NUMA1: variants seen among roughly 807,000 people sequenced by gnomAD.
The protein encoded by NUMA1 is nuclear mitotic apparatus protein 1.
Under a neutral mutation model 237.1 loss-of-function variants are expected in NUMA1, and 62 were observed. That is an observed-to-expected ratio of 0.26 (90% CI 0.21 to 0.32). The LOEUF (loss-of-function observed/expected upper bound fraction) is 0.32. Ranked by LOEUF, NUMA1 falls within the 10% of genes least tolerant of loss-of-function variation. NUMA1 has a pLI of 1.00. For missense variants in NUMA1, 2,533 were observed against 2,666.5 expected, an observed-to-expected ratio of 0.95 and a Z score of 1.10; for synonymous variants, 1,028 against 1,066.1, an observed-to-expected ratio of 0.96 and a Z score of 0.70.
In NUMA1 at chr11:72,003,987, T is replaced by C. The variant is rs1320444404; in HGVS notation, c.6236A>G (p.Asn2079Ser). Residue 2079 changes from asparagine (N) to serine (S), a missense_variant, in exon 26 of 27, where the codon AAC (asparagine) becomes AGC (serine). Physicochemically the swap from Asn to Ser is conservative, Grantham distance 46. This residue lies in a region of NUMA1 where 795 missense variants were observed against 750.8 expected (regional missense o/e 1.06). Transcript: ENST00000393695. ...SKKALSKASPNTRSGTRRSPR... is the reference protein window; with the variant it reads ...SKKALSKASPSTRSGTRRSPR... Reference sequence around the variant, plus strand: ...AGAACGGCGGGTTCCACTGCGAGTGTTGGGGGAAGCCTTGGACAGGGCCTT... The same window carrying C: ...AGAACGGCGGGTTCCACTGCGAGTGCTGGGGGAAGCCTTGGACAGGGCCTT... The C allele has an allele frequency of 1.4e-5, 22 of 1,612,982 alleles. No individual in the cohort carries two copies. The highest frequency in any genetic ancestry group is 1.9e-5 in the Non-Finnish European group (22 of 1,179,554).
rs987415503 is a variant in NUMA1, at chr11:72,016,482, G to C, written c.1168C>G (p.Leu390Val). 5 of 1,613,980 alleles carry C rather than the reference G, an allele frequency of 3.1e-6. No individual in the cohort carries two copies. The highest frequency in any genetic ancestry group is 1.6e-4 in the Middle Eastern group (1 of 6,084). Residue 390 changes from leucine (L) to valine (V), a missense_variant, in exon 14 of 27, where the codon CTG becomes GTG. By Grantham distance (32) the Leu-to-Val change is conservative. Around this residue, in one of 3 missense-constraint regions of NUMA1, gnomAD observed 1,414 missense variants for 1,508.1 expected, o/e 0.94. Coordinates refer to ENST00000393695, the MANE Select transcript of NUMA1 (RefSeq NM_006185.4). ...NEILQGKLSQ[L>V]EEHLSQLQDN... Reference sequence around the variant, plus strand: ...TGCAGCTGGGACAAGTGTTCTTCCAGCTGTGAAAGTTTTCCCTGAAGGATT... The same window carrying C: ...TGCAGCTGGGACAAGTGTTCTTCCACCTGTGAAAGTTTTCCCTGAAGGATT...
At position 72,014,153 on chromosome 11, in the gene NUMA1, G is replaced by T; in HGVS notation, c.3350C>A (p.Pro1117Gln). 6.2e-7 allele frequency: 1 copy of T among 1,613,302 alleles called. No homozygotes were observed. The highest frequency in any genetic ancestry group is 2.2e-5 in the East Asian group (1 of 44,872). ...AQSEAAGRTE[P>Q]TGPKLEALRA... ...CAGTGCCTCCAGCTTGGGGCCTGTTGGCTCTGTCCTGCCAGCAGCCTCAGA... is the reference window on the plus strand; with the variant it reads ...CAGTGCCTCCAGCTTGGGGCCTGTTTGCTCTGTCCTGCCAGCAGCCTCAGA... The change falls in exon 15 of 27, where the codon CCA becomes CAA. Residue 1117 changes from proline to glutamine, a missense_variant. By Grantham distance (76) the Pro-to-Gln change is moderately conservative (BLOSUM62 -1). Transcript: ENST00000393695. The surrounding 1 kb of genome is among the most constrained non-coding windows in gnomAD (Gnocchi z 4.6).
chr11:72,014,340 C>T lies in NUMA1; in HGVS notation c.3163G>A (p.Ala1055Thr), dbSNP rs149499808. The change falls in exon 15 of 27, where the codon GCC (alanine) becomes ACC (threonine). Residue 1055 changes from alanine (A) to threonine (T), a missense_variant. By Grantham distance (58) the Ala-to-Thr change is moderately conservative. Coordinates refer to ENST00000393695, the MANE Select transcript of NUMA1 (RefSeq NM_006185.4). This position sits in a 1 kb window ranked among gnomAD's most constrained non-coding sequence, Gnocchi z 4.6. ...TCCTTGCCTTCCTTTTCCGTCAGGGCATGAGCCAGTGCCTCTTGCAGGGTA... is the reference window on the plus strand; with the variant it reads ...TCCTTGCCTTCCTTTTCCGTCAGGGTATGAGCCAGTGCCTCTTGCAGGGTA... ...FATLQEALAH[A>T]LTEKEGKDQE... The T allele has an allele frequency of 3.7e-6, 6 of 1,613,678 alleles. No individual in the cohort carries two copies. The East Asian group carries it at 6.7e-5, about 18-fold the overall frequency.
Position 72,014,869 on chromosome 11 carries a change from A to G in NUMA1, c.2634T>C (p.His878=). The G allele has an allele frequency of 6.2e-7, 1 of 1,614,214 alleles. No homozygotes were observed. The highest frequency in any genetic ancestry group is 8.5e-7 in the Non-Finnish European group (1 of 1,180,046). Residue 878 remains histidine, a synonymous_variant, in exon 15 of 27, where the codon CAT becomes CAC. Transcript: ENST00000393695. The surrounding 1 kb of genome is among the most constrained non-coding windows in gnomAD (Gnocchi z 4.6). ...GCTGGAGTGCTCTGGCCAGGTTGGC[A>G]TGGAGCTCAGCTAGTTCGTTCTGCT... The part of the protein sequence containing the change: ...SRQQNELAEL[H]ANLARALQQV...
chr11:72,039,071 A>C (rs116479685), intron 2 of NUMA1, among the ~76,000 whole-genome samples: 3,479 of 152,328 alleles, frequency 0.023, 133 homozygotes, highest in African/African-American at 0.08. Flanking sequence ...CCACATTTAC[A>C]GTAACCCCTG....
chr11:72,070,013 G>A (rs1943375273), intron 1 of NUMA1, 102 bp from the exon 2 acceptor site: 1 of 152,128 alleles, frequency 6.6e-6, no homozygotes, highest in African/African-American at 2.4e-5. Flanking sequence ...CCAGCGTTCT[G>A]TGGATCAGAC....
chr11:72,005,961 T>G (rs1955656635), intron 22 of NUMA1, 74 bp downstream of exon 22: 1 of 1,263,348 alleles, frequency 7.9e-7, no homozygotes, highest in African/African-American at 1.5e-5. Flanking sequence ...TAAAAAGCTT[T>G]CCTCTTTTCC....
intron 1 of NUMA1, among the ~76,000 whole-genome samples, chr11:72,075,862 T>G (rs1381925139): frequency 6.6e-6 from 1 of 152,192 alleles, no homozygotes; most frequent in African/African-American, 2.4e-5. Context: ...AGCGAGCTGA[T>G]GACATAGCTG....
chr11:72,009,740 G>A (rs987516090), intron 17 of NUMA1, among the ~76,000 whole-genome samples: 1 of 117,430 alleles, frequency 8.5e-6, no homozygotes, highest in African/African-American at 3.1e-5. Flanking sequence ...TTACTCTAAG[G>A]CACTTGGCAT....
chr11:72,007,655 C>T, intron 20 of NUMA1: 1 of 602,502 alleles, frequency 1.7e-6, no homozygotes, highest in East Asian at 3.0e-5. Flanking sequence ...AGTGGCAATG[C>T]CCAGACCCAG....
Position 72,013,428 on chromosome 11 carries a change from C to G in NUMA1, c.4075G>C (p.Glu1359Gln). ...EHTSTQALVSELLPAKHLCQQ... is the reference protein window; with the variant it reads ...EHTSTQALVSQLLPAKHLCQQ... Reference sequence around the variant, plus strand: ...CAGAGGTGCTTAGCTGGCAGCAGCTCACTCACCAGGGCCTGTGTGCTGGTG... The same window carrying G: ...CAGAGGTGCTTAGCTGGCAGCAGCTGACTCACCAGGGCCTGTGTGCTGGTG... The change falls in exon 15 of 27, where the codon GAG becomes CAG. Residue 1359 changes from glutamate to glutamine, a missense_variant. Glu to Gln is a conservative substitution (Grantham distance 29). Around this residue, in one of 3 missense-constraint regions of NUMA1, gnomAD observed 324 missense variants for 407.6 expected, o/e 0.79. Transcript: ENST00000393695. The surrounding 1 kb of genome is among the most constrained non-coding windows in gnomAD (Gnocchi z 6.8). 1 of 1,613,098 alleles carries G rather than the reference C, an allele frequency of 6.2e-7. No individual in the cohort carries two copies. Among genetic ancestry groups the G allele is most frequent in the South Asian group, 1.1e-5 (1 of 91,066 alleles).
intron 2 of NUMA1, among the ~76,000 whole-genome samples, chr11:72,057,600 T>C (rs1942725525): frequency 6.7e-6 from 1 of 149,264 alleles, no homozygotes; most frequent in African/African-American, 2.5e-5. Context: ...AAAAATCAGT[T>C]GGGCATGGTG....
chr11:72,029,163 G>C (rs1410019464), intron 4 of NUMA1, 42 bp downstream of exon 4: 2 of 1,437,500 alleles, frequency 1.4e-6, no homozygotes, highest in Non-Finnish European at 1.9e-6. Flanking sequence ...CCAGCAATCA[G>C]CTTTGCCTTA....
chr11:72,038,577 A>C (rs1481518844), intron 2 of NUMA1, among the ~76,000 whole-genome samples: 1 of 152,022 alleles, frequency 6.6e-6, no homozygotes, highest in African/African-American at 2.4e-5. Context: ...CTACATTGGG[A>C]CTATAGCTTT....
Position 72,035,908 on chromosome 11 carries a change from G to A in NUMA1, c.36C>T (p.Leu12=). The A allele has an allele frequency of 6.2e-7, 1 of 1,614,038 alleles. No individual in the cohort carries two copies. The highest frequency in any genetic ancestry group is 8.5e-7 in the Non-Finnish European group (1 of 1,179,938). The stretch of plus-strand genomic sequence containing the variant: ...AGAGAGGAAGACTACTTACCCAAGA[G>A]AGGAGTGCAGCCCCCCGGGTGGCGT... ...TLHATRGAAL[L]SWVNSLHVAD... is the part of the protein sequence containing the mutation. Residue 12 remains leucine, a synonymous_variant, in exon 3 of 27, where the codon CTC becomes CTT. Transcript: ENST00000393695.
intron 1 of NUMA1, among the ~76,000 whole-genome samples, chr11:72,071,824 GTATT>G (rs1943464157): frequency 6.6e-6 from 1 of 152,120 alleles, no homozygotes; most frequent in South Asian, 2.1e-4. Flanking sequence ...AAGTATATAA[GTATT>G]TGTTACATTA....
chr11:72,016,657 C>T, intron 13 of NUMA1, 127 bp from the exon 14 acceptor site: 1 of 1,277,448 alleles, frequency 7.8e-7, no homozygotes, highest in Non-Finnish European at 1.1e-6. Flanking sequence ...TTTGCCCTGG[C>T]CTAGAAAAAA....
rs778860762 is a variant in NUMA1 at position 72,004,282 on chromosome 11, C to T, written c.6066G>A (p.Gly2022=). ...GGGCCTCAGTAGTGCTCTGTTTGCG[C>T]CCTTCATGTCGGTCTCGGGGAGTCA... ...RPMTPRDRHE[G]RKQSTTEAQK... is the part of the protein sequence containing the mutation. The change falls in exon 25 of 27, where the codon GGG becomes GGA. Residue 2022 remains glycine (G), a synonymous_variant. Coordinates refer to ENST00000393695, the MANE Select transcript of NUMA1 (RefSeq NM_006185.4). The T allele has an allele frequency of 6.2e-6, 10 of 1,613,374 alleles. No homozygotes were observed. The highest frequency in any genetic ancestry group is 2.2e-5 in the East Asian group (1 of 44,886).
chr11:72,004,979 A>G (rs1955589055), intron 23 of NUMA1, among the ~76,000 whole-genome samples, 163 bp from the exon 24 acceptor site: 1 of 151,924 alleles, frequency 6.6e-6, no homozygotes, highest in Non-Finnish European at 1.5e-5. Flanking sequence ...TCTGCTTTCT[A>G]CCTAAGCCCT....
Sources: allele counts gnomAD v4.1 joint callset (sites outside exome capture counted in the v4.1 genomes callset), GRCh38; gene constraint gnomAD v4.1.1; regional missense constraint gnomAD v4.1.1; non-coding constraint Gnocchi (gnomAD v3.1); transcripts MANE v1.5; gene names NCBI Gene and HGNC (gene_info 2026-07-23, HGNC 2026-07-21).